Variants in STK32B observed in about 807,000 individuals in gnomAD.
STK32B encodes serine/threonine-protein kinase 32B.
STK32B carries 43 observed loss-of-function variants against 52.6 expected under a neutral mutation model. The ratio of observed to expected loss-of-function variants is 0.82; its 90% CI spans 0.64 to 1.05. The LOEUF is 1.05. Among genes scored for constraint, STK32B ranks in the 50% least tolerant of loss-of-function variants. The pLI is 0.00. For missense variants in STK32B, 621 were observed against 534.6 expected (o/e 1.16, Z -1.59); for synonymous variants, 238 against 204.3 (o/e 1.17, Z -1.41).
chr4:5,232,712 T>G (rs1414517234), intron 3 of STK32B, among the ~76,000 whole-genome samples: 4 of 152,170 alleles, frequency 2.6e-5, no homozygotes, highest in African/African-American at 9.6e-5. Context: ...TGAAGCCATT[T>G]GCTGAGTGTT....
chr4:5,431,510 C>CT (rs11403448), intron 6 of STK32B, among the ~76,000 whole-genome samples: 97,141 of 148,864 alleles, frequency 0.65, 32,062 homozygotes, highest in East Asian at 0.89. Context: ...TCCAAAAGTC[C>CT]TTTTTTTTTT....
chr4:5,471,998 C>G (rs1338729951), intron 11 of STK32B, among the ~76,000 whole-genome samples: 1 of 152,222 alleles, frequency 6.6e-6, no homozygotes. Context: ...ACGTATGCTT[C>G]CTCAGCTACA....
intron 11 of STK32B, among the ~76,000 whole-genome samples, chr4:5,473,505 C>A (rs1338789874): frequency 1.3e-5 from 2 of 152,102 alleles, no homozygotes; most frequent in Non-Finnish European, 2.9e-5. Context: ...AGTACAGGCC[C>A]AGAGTGGATT....
At chr4:5,492,051 T>C (rs1719780600) in intron 11 of STK32B, among the ~76,000 whole-genome samples, 2 of 152,254 alleles carry the variant, frequency 1.3e-5, no homozygotes, top group South Asian at 4.1e-4. Flanking sequence ...AGGATTGACT[T>C]GGCAATGCGG....
chr4:5,456,931 G>A lies in STK32B; in HGVS notation c.783+8G>A. Reference sequence around the variant, plus strand: ...GTGGCCCTGCTGAGGAAGGTAAGGGGGCAGCTTCCAGCCTGCCCCGCCAGG... The same window carrying A: ...GTGGCCCTGCTGAGGAAGGTAAGGGAGCAGCTTCCAGCCTGCCCCGCCAGG... On this transcript the variant is annotated splice_region_variant and intron_variant, in intron 8 of 11. Transcript: ENST00000282908. 5 of 1,523,200 alleles carry A rather than the reference G, an allele frequency of 3.3e-6. No individual in the cohort carries two copies. Among genetic ancestry groups the A allele is most frequent in the Non-Finnish European group, 4.4e-6 (5 of 1,130,342 alleles). 94.4% of individuals were successfully genotyped at this position (1,523,200 alleles called of 1,614,324 possible). A position where few individuals can be genotyped will look rare whatever the true frequency, so the allele number is the denominator to read the frequency against.
At chr4:5,197,943 T>G (rs1044780636) in intron 3 of STK32B, among the ~76,000 whole-genome samples, 4 of 144,022 alleles carry the variant, frequency 2.8e-5, no homozygotes, top group African/African-American at 7.5e-5. Context: ...TTTTCTGTTG[T>G]TTTTTTTTCC....
At chr4:5,218,832 C>T (rs35121057) in intron 3 of STK32B, among the ~76,000 whole-genome samples, 35,000 of 152,214 alleles carry the variant, frequency 0.23, 5,080 homozygotes, top group Non-Finnish European at 0.33. Context: ...TTGCCAGGCA[C>T]GTGGCTTCTG....
At chr4:5,244,742 C>T (rs1163254280) in intron 3 of STK32B, among the ~76,000 whole-genome samples, 1 of 152,166 alleles carries the variant, frequency 6.6e-6, no homozygotes, top group African/African-American at 2.4e-5. Context: ...CTACACACTG[C>T]TTTGAATGTG....
intron 1 of STK32B, among the ~76,000 whole-genome samples, chr4:5,086,809 AT>A (rs1292567946): frequency 6.6e-6 from 1 of 152,248 alleles, no homozygotes; most frequent in Non-Finnish European, 1.5e-5. Flanking sequence ...TGCTGAAAAA[AT>A]CTACTGTCAA....
intron 4 of STK32B, among the ~76,000 whole-genome samples, chr4:5,355,070 T>C (rs528266160): frequency 6.6e-6 from 1 of 152,300 alleles, no homozygotes; most frequent in Middle Eastern, 3.4e-3. Flanking sequence ...TCCATGCTGT[T>C]CTTCTGACCT....
chr4:5,277,404 T>A (rs1330346265), intron 3 of STK32B, among the ~76,000 whole-genome samples: 1 of 152,202 alleles, frequency 6.6e-6, no homozygotes, highest in African/African-American at 2.4e-5. Flanking sequence ...TCATTCTTTT[T>A]AAATTGCCTT....
At chr4:5,445,252 A>G (rs1266073021) in intron 6 of STK32B, among the ~76,000 whole-genome samples, 1 of 152,226 alleles carries the variant, frequency 6.6e-6, no homozygotes, top group East Asian at 1.9e-4. Flanking sequence ...TCAAGTGTGT[A>G]GCTGCCCAGC....
intron 1 of STK32B, among the ~76,000 whole-genome samples, chr4:5,118,181 G>A (rs1714840774): frequency 6.6e-6 from 1 of 152,110 alleles, no homozygotes; most frequent in African/African-American, 2.4e-5. Context: ...ATGCTATAAG[G>A]TCCTGTGCTT....
intron 3 of STK32B, among the ~76,000 whole-genome samples, chr4:5,288,901 A>T (rs1728712341): frequency 6.6e-6 from 1 of 152,208 alleles, no homozygotes; most frequent in African/African-American, 2.4e-5. Context: ...TCTATGATTT[A>T]TCTTGAGTTT....
At chr4:5,331,519 A>G in intron 4 of STK32B, 126 bp downstream of exon 4, 1 of 958,884 alleles carries the variant, frequency 1.0e-6, no homozygotes, top group Non-Finnish European at 1.5e-6. Context: ...TGCATGAGGG[A>G]AAAAAGCAGA....
chr4:5,144,791 TCCATC>T (rs1560175540), intron 2 of STK32B, among the ~76,000 whole-genome samples: 69 of 130,928 alleles, frequency 5.3e-4, no homozygotes, highest in South Asian at 2.1e-3. Flanking sequence ...CACTCATCCA[TCCATC>T]CATCCATCCA....
intron 6 of STK32B, among the ~76,000 whole-genome samples, chr4:5,425,154 C>T (rs1712984033): frequency 6.6e-6 from 1 of 152,242 alleles, no homozygotes; most frequent in African/African-American, 2.4e-5. Context: ...TTGCCCTTGG[C>T]AGGTTTGGGA....
chr4:5,418,261 T>A (rs1013023414), intron 6 of STK32B, among the ~76,000 whole-genome samples: 5 of 151,218 alleles, frequency 3.3e-5, no homozygotes, highest in Non-Finnish European at 5.9e-5. Context: ...TGCTCTTCAT[T>A]CTCCTTTTAC....
chr4:5,133,712 G>A (rs1469800891), intron 1 of STK32B, among the ~76,000 whole-genome samples: 1 of 152,166 alleles, frequency 6.6e-6, no homozygotes, highest in Non-Finnish European at 1.5e-5. Flanking sequence ...TACAGATGAA[G>A]AAACTGAGAT....
Sources: allele counts gnomAD v4.1 joint callset (sites outside exome capture counted in the v4.1 genomes callset), GRCh38; gene constraint gnomAD v4.1.1; transcripts MANE v1.5; gene names NCBI Gene and HGNC (gene_info 2026-07-23, HGNC 2026-07-21).